UBR1: variants seen among roughly 807,000 people sequenced by gnomAD.
The protein encoded by UBR1 is E3 ubiquitin-protein ligase UBR1.
Under a neutral mutation model 242.1 loss-of-function variants are expected in UBR1, and 102 were observed. The observed-to-expected ratio is 0.42, with a 90% CI of 0.36 to 0.50. UBR1 has a LOEUF of 0.50. Among genes scored for constraint, UBR1 ranks in the 20% least tolerant of loss-of-function variants. UBR1 has a pLI of 0.01. For missense variants in UBR1, 1,772 were observed against 2,101.8 expected (o/e 0.84, Z 3.07); for synonymous variants, 675 against 684.8 (o/e 0.99, Z 0.22).
At chr15:42,988,531 CCTCAGCCTCCCAAAG>C (rs1444398281) in intron 35 of UBR1, 4 of 391,488 alleles carry the variant, frequency 1.0e-5, no homozygotes, top group South Asian at 7.3e-5. Context: ...TATCCTCCCA[CCTCAGCCTCCCAAAG>C]CTCAGCCTCC....
intron 3 of UBR1, among the ~76,000 whole-genome samples, chr15:43,079,363 T>A (rs115872079): frequency 0.016 from 2,366 of 152,160 alleles, 57 homozygotes; most frequent in African/African-American, 0.053. Flanking sequence ...GACTATAAAC[T>A]AAGAAAACTT....
At chr15:43,039,474 CTGTT>C (rs1178357370) in intron 15 of UBR1, among the ~76,000 whole-genome samples, 1 of 152,134 alleles carries the variant, frequency 6.6e-6, no homozygotes, top group African/African-American at 2.4e-5. Context: ...ATTTGGCTCT[CTGTT>C]TGTCTGTTAT....
At chr15:43,001,024 G>C (rs1169598264) in intron 32 of UBR1, among the ~76,000 whole-genome samples, 3 of 152,050 alleles carry the variant, frequency 2.0e-5, no homozygotes, top group Non-Finnish European at 4.4e-5. Context: ...AGTAGAGATG[G>C]GTTTTTGCCA....
At chr15:43,076,052 C>G (rs537308093) in intron 3 of UBR1, among the ~76,000 whole-genome samples, 1 of 152,258 alleles carries the variant, frequency 6.6e-6, no homozygotes, top group African/African-American at 2.4e-5. Context: ...CTGCTGCCAT[C>G]TCGGCTCACT....
chr15:43,002,813 A>G (rs1231723202), intron 31 of UBR1, 109 bp from the exon 32 acceptor site: 11 of 1,375,730 alleles, frequency 8.0e-6, no homozygotes, highest in South Asian at 1.2e-5. Context: ...TTTTGCCCCA[A>G]TAAACATCTT....
intron 37 of UBR1, among the ~76,000 whole-genome samples, chr15:42,979,121 T>C (rs926847092): frequency 2.0e-5 from 3 of 151,880 alleles, no homozygotes; most frequent in Non-Finnish European, 4.4e-5. Flanking sequence ...TCTCGATCTC[T>C]TGACCTCGTG....
In UBR1 at chr15:43,060,086, T is replaced by C; in HGVS notation, c.827A>G (p.Tyr276Cys). The change falls in exon 7 of 47, where the codon TAT (tyrosine) becomes TGT (cysteine). Residue 276 changes from tyrosine to cysteine, a missense_variant. Physicochemically the swap from Tyr to Cys is radical, Grantham distance 194 (BLOSUM62 -2). Transcript: ENST00000290650. ...TTCCTTTGCTTCCTGGCAAGCAGCA[T>C]AAGCTCCCGCTTTAACAGCCCGACG... ...EGRRAVKAGA[Y>C]AACQEAKEDI... is the part of the protein sequence containing the mutation. 1 of 1,614,164 alleles carries C rather than the reference T, an allele frequency of 6.2e-7. No individual in the cohort carries two copies.
At chr15:43,020,143 A>C (rs2033089922) in intron 27 of UBR1, among the ~76,000 whole-genome samples, 2 of 150,230 alleles carry the variant, frequency 1.3e-5, no homozygotes, top group Admixed American at 6.6e-5. Context: ...TGGTTCAAGC[A>C]ATTCTCCTGC....
chr15:42,947,116 GAC>G (rs1426464649), intron 46 of UBR1, among the ~76,000 whole-genome samples: 1 of 152,072 alleles, frequency 6.6e-6, no homozygotes, highest in African/African-American at 2.4e-5. Context: ...CAGCCTGGGT[GAC>G]AGAGTGAGAG....
intron 13 of UBR1, 43 bp downstream of exon 13, chr15:43,048,349 A>T (rs907370131): frequency 1.3e-6 from 2 of 1,506,326 alleles, no homozygotes; most frequent in Non-Finnish European, 1.8e-6. Flanking sequence ...TTCAATTTTT[A>T]AAAATAAATT....
Position 42,982,383 on chromosome 15 carries a change from T to C in UBR1, c.4150+1514A>G, listed in dbSNP as rs563467704. ...AACAAAGACAGGCGCATGTGACATA[T>C]GGAAGGTTCTGGCCCTGTGCAACTG... is the stretch of plus-strand genomic sequence containing the variant. On this transcript the variant is annotated intron_variant, in intron 37 of 46. Transcript: ENST00000290650. Among the ~76,000 whole-genome samples the C allele has an allele frequency of 2.9e-4, 44 of 152,200 alleles. 1 individual carries two copies. Among genetic ancestry groups the C allele is most frequent in the Admixed American group, 2.0e-3 (30 of 15,300 alleles).
chr15:42,968,122 A>G (rs1297491133), intron 40 of UBR1, among the ~76,000 whole-genome samples: 1 of 152,042 alleles, frequency 6.6e-6, no homozygotes, highest in African/African-American at 2.4e-5. Context: ...GATCACTGTA[A>G]AAGGACAACC....
intron 33 of UBR1, among the ~76,000 whole-genome samples, chr15:42,990,815 G>A (rs1205485595): frequency 6.6e-6 from 1 of 152,158 alleles, no homozygotes; most frequent in African/African-American, 2.4e-5. Flanking sequence ...AGCTGCCTGG[G>A]TTTGAATCCT....
intron 18 of UBR1, 124 bp from the exon 19 acceptor site, chr15:43,036,403 G>A (rs2141316707): frequency 7.6e-6 from 9 of 1,183,372 alleles, no homozygotes; most frequent in South Asian, 3.7e-5. Flanking sequence ...CTATTTCTAT[G>A]AGTCATAATC....
chr15:43,005,625 C>T (rs1483700249), intron 30 of UBR1, among the ~76,000 whole-genome samples: 6 of 152,282 alleles, frequency 3.9e-5, no homozygotes, highest in Admixed American at 6.5e-5. Context: ...GCCATGATGA[C>T]GATGGCGGTT....
chr15:42,983,987 C>T lies in UBR1; in HGVS notation c.4060G>A (p.Gly1354Ser). ...FGALQNRQHN[G>S]LKALMQFAVA... Reference sequence around the variant, plus strand: ...GCAAACTGCATTAATGCTTTCAGACCATTATGCTAGATTGTAAGAGAGAAG... The same window carrying T: ...GCAAACTGCATTAATGCTTTCAGACTATTATGCTAGATTGTAAGAGAGAAG... Residue 1354 changes from glycine to serine, a missense_variant, in exon 37 of 47, where the codon GGT becomes AGT. Gly to Ser is a moderately conservative substitution (Grantham distance 56). Transcript: ENST00000290650. 6.2e-7 allele frequency: 1 copy of T among 1,610,798 alleles called. No individual in the cohort carries two copies. The highest frequency in any genetic ancestry group is 1.1e-5 in the South Asian group (1 of 90,808).
At chr15:43,047,080 G>A (rs1374130348) in intron 14 of UBR1, 81 bp downstream of exon 14, 2 of 1,516,602 alleles carry the variant, frequency 1.3e-6, no homozygotes, top group Non-Finnish European at 1.8e-6. Flanking sequence ...TTACATCAAG[G>A]AAGCTGCAAC....
At chr15:43,053,274 G>A (rs115294704) in intron 12 of UBR1, among the ~76,000 whole-genome samples, 49 of 152,236 alleles carry the variant, frequency 3.2e-4, no homozygotes, top group African/African-American at 1.2e-3. Context: ...ATTATTCACC[G>A]TAGAGATTAG....
intron 34 of UBR1, among the ~76,000 whole-genome samples, chr15:42,989,709 A>C (rs2032526467): frequency 6.6e-6 from 1 of 152,212 alleles, no homozygotes; most frequent in South Asian, 2.1e-4. Flanking sequence ...ATGTAATTTT[A>C]AATGAAGTCT....
Sources: allele counts gnomAD v4.1 joint callset (sites outside exome capture counted in the v4.1 genomes callset), GRCh38; gene constraint gnomAD v4.1.1; transcripts MANE v1.5; gene names NCBI Gene and HGNC (gene_info 2026-07-23, HGNC 2026-07-21).